Variants in TSHZ3 observed in about 807,000 individuals in gnomAD.
TSHZ3 encodes teashirt homolog 3.
TSHZ3 carries 10 observed loss-of-function variants against 64.5 expected under a neutral mutation model. That is an observed-to-expected ratio of 0.16 (90% confidence interval 0.10 to 0.26). TSHZ3 has a LOEUF of 0.26. Among genes scored for constraint, TSHZ3 ranks in the 10% least tolerant of loss-of-function variants. The pLI, the probability that TSHZ3 is intolerant of heterozygous loss-of-function variation, is 1.00. For synonymous variants in TSHZ3, 608 were observed against 593.1 expected (o/e 1.03, Z -0.36); for missense variants, 1,242 against 1,421.7 (o/e 0.87, Z 2.03).
intron 1 of TSHZ3, among the ~76,000 whole-genome samples, chr19:31,246,374 G>T (rs1975758092): frequency 1.3e-5 from 2 of 152,238 alleles, no homozygotes; most frequent in South Asian, 2.1e-4. Context: ...TGTATTACTT[G>T]TGCAATTCAC....
chr19:31,325,992 C>T (rs1250438207), intron 1 of TSHZ3, among the ~76,000 whole-genome samples: 2 of 152,166 alleles, frequency 1.3e-5, no homozygotes, highest in Non-Finnish European at 2.9e-5. Flanking sequence ...CCTGTACACC[C>T]ATCACCTAGT....
intron 5 of TSHZ3, among the ~76,000 whole-genome samples, chr19:31,186,863 T>A (rs1418831979): frequency 6.6e-6 from 1 of 152,198 alleles, no homozygotes. Flanking sequence ...GTGAAGTATT[T>A]GTTCACACGT....
intron 4 of TSHZ3, among the ~76,000 whole-genome samples, chr19:31,225,921 G>T (rs995282365): frequency 6.6e-6 from 1 of 152,128 alleles, no homozygotes; most frequent in Non-Finnish European, 1.5e-5. Flanking sequence ...GAGGACAGGG[G>T]TTTGAGACCA....
chr19:31,207,523 T>A (rs1315640185), intron 4 of TSHZ3: 2 of 152,128 alleles, frequency 1.3e-5, no homozygotes, highest in Non-Finnish European at 2.9e-5. Context: ...TATCTAGAAA[T>A]GTCAAAGCAG....
chr19:31,255,593 G>A (rs1975898916), intron 1 of TSHZ3, among the ~76,000 whole-genome samples: 1 of 152,126 alleles, frequency 6.6e-6, no homozygotes, highest in African/African-American at 2.4e-5. Flanking sequence ...ACGGACACCT[G>A]TCACTACAGC....
At chr19:31,332,669 G>A (rs911014443) in intron 1 of TSHZ3, among the ~76,000 whole-genome samples, 3 of 151,964 alleles carry the variant, frequency 2.0e-5, no homozygotes, top group East Asian at 1.9e-4. Context: ...TGCACAACTC[G>A]CTATTTCTAA....
chr19:31,179,667 ATGG>A (rs1568338827), intron 5 of TSHZ3, among the ~76,000 whole-genome samples: 1 of 151,340 alleles, frequency 6.6e-6, no homozygotes. Flanking sequence ...GGCAATGATG[ATGG>A]TGGTGGTAAG....
chr19:31,286,957 C>A (rs559169251), intron 1 of TSHZ3, among the ~76,000 whole-genome samples: 95 of 152,272 alleles, frequency 6.2e-4, no homozygotes, highest in Middle Eastern at 3.4e-3. Flanking sequence ...CTAAATTCAA[C>A]CTCTAGGTAA....
intron 1 of TSHZ3, among the ~76,000 whole-genome samples, chr19:31,255,772 C>G (rs1008215348): frequency 6.6e-6 from 1 of 152,134 alleles, no homozygotes; most frequent in Admixed American, 6.5e-5. Flanking sequence ...AATCCCTTGT[C>G]CTTAGAAATC....
At chr19:31,179,035 A>AT (rs749639332) in intron 5 of TSHZ3, among the ~76,000 whole-genome samples, 5 of 121,090 alleles carry the variant, frequency 4.1e-5, no homozygotes, top group Admixed American at 8.0e-5. Context: ...GATGATGATG[A>AT]TGATGATGAT....
intron 5 of TSHZ3, among the ~76,000 whole-genome samples, chr19:31,164,154 G>A (rs1974410471): frequency 6.6e-6 from 1 of 152,134 alleles, no homozygotes; most frequent in Non-Finnish European, 1.5e-5. Flanking sequence ...AAAGGGGATA[G>A]GCATTGGAGC....
intron 5 of TSHZ3, among the ~76,000 whole-genome samples, chr19:31,201,892 C>T (rs1036450063): frequency 6.6e-6 from 1 of 152,134 alleles, no homozygotes; most frequent in Non-Finnish European, 1.5e-5. Flanking sequence ...CATGGCTGGG[C>T]GCAGTGGCTC....
downstream of TSHZ3, among the ~76,000 whole-genome samples, chr19:31,272,987 T>C (rs565722767): frequency 5.9e-5 from 9 of 152,208 alleles, 1 homozygote; most frequent in South Asian, 1.9e-3. Flanking sequence ...CCGCAGAACA[T>C]GAGCACTACG....
At chr19:31,183,085 C>T (rs919770091) in intron 5 of TSHZ3, among the ~76,000 whole-genome samples, 32 of 152,180 alleles carry the variant, frequency 2.1e-4, no homozygotes, top group African/African-American at 7.5e-4. Flanking sequence ...TGAACTACAA[C>T]ATCAACCCTT....
chr19:31,336,914 C>A (rs73927356), intron 1 of TSHZ3, among the ~76,000 whole-genome samples: 1,549 of 152,236 alleles, frequency 0.01, 23 homozygotes, highest in African/African-American at 0.035. Context: ...AAAAACTATG[C>A]ACTGCAGAGT....
At chr19:31,206,773 G>C (rs966985986) in intron 4 of TSHZ3, among the ~76,000 whole-genome samples, 6 of 152,054 alleles carry the variant, frequency 3.9e-5, no homozygotes, top group African/African-American at 1.4e-4. Context: ...ATTTAACACA[G>C]ACAAAATGGC....
At chr19:31,313,221 G>T (rs907338846) in intron 1 of TSHZ3, among the ~76,000 whole-genome samples, 2 of 152,176 alleles carry the variant, frequency 1.3e-5, no homozygotes, top group African/African-American at 4.8e-5. Context: ...TTCCACACCC[G>T]AGATTTGGAA....
chr19:31,193,212 G>C (rs1974938346), intron 5 of TSHZ3, among the ~76,000 whole-genome samples: 1 of 152,048 alleles, frequency 6.6e-6, no homozygotes, highest in Non-Finnish European at 1.5e-5. Flanking sequence ...CCATACATAT[G>C]ACGCGACATA....
At chr19:31,261,211 G>A (rs1975979683) in intron 1 of TSHZ3, among the ~76,000 whole-genome samples, 1 of 152,226 alleles carries the variant, frequency 6.6e-6, no homozygotes, top group African/African-American at 2.4e-5. Flanking sequence ...AAGAACTGCA[G>A]GCTGGGTCTG....
Sources: gnomAD v4.1 joint callset for allele counts (sites outside exome capture counted in the v4.1 genomes callset) on GRCh38, gnomAD v4.1.1 for gene constraint, MANE v1.5 for transcripts, NCBI Gene and HGNC (gene_info 2026-07-23, HGNC 2026-07-21) for gene names.